LRP1B: variants seen among roughly 807,000 people sequenced by gnomAD.
LRP1B encodes LDL receptor related protein 1B, also known as low-density lipoprotein receptor-related protein 1B.
A neutral mutation model predicts 556.6 loss-of-function variants in LRP1B; 217 were observed. That is an observed-to-expected ratio of 0.39 (90% CI 0.35 to 0.44). The LOEUF (loss-of-function observed/expected upper bound fraction) is 0.44. LRP1B is among the 20% of genes least tolerant of loss of function. The pLI is 1.00. For missense variants in LRP1B, 5,053 were observed against 5,620.8 expected, an observed-to-expected ratio of 0.90 and a Z score of 3.23; for synonymous variants, 2,047 against 1,865.8, an observed-to-expected ratio of 1.10 and a Z score of -2.50.
chr2:141,251,876 A>G (rs993790037), intron 4 of LRP1B, among the ~76,000 whole-genome samples: 1 of 152,096 alleles, frequency 6.6e-6, no homozygotes, highest in African/African-American at 2.4e-5. Flanking sequence ...GGTCAAGGGC[A>G]CTGTAGCAGA....
chr2:140,899,484 A>C (rs1694041541), intron 23 of LRP1B, among the ~76,000 whole-genome samples: 1 of 152,216 alleles, frequency 6.6e-6, no homozygotes, highest in Non-Finnish European at 1.5e-5. Flanking sequence ...GATTTCATTC[A>C]GTTTCAATGT....
intron 2 of LRP1B, among the ~76,000 whole-genome samples, chr2:141,605,338 CA>C (rs145409753): frequency 7.4e-5 from 11 of 149,346 alleles, no homozygotes; most frequent in South Asian, 2.1e-4. Flanking sequence ...TAGCCTTGTA[CA>C]AAAAAAAATG....
intron 2 of LRP1B, among the ~76,000 whole-genome samples, chr2:141,759,142 CTA>C (rs1296276026): frequency 6.6e-6 from 1 of 152,018 alleles, no homozygotes; most frequent in Non-Finnish European, 1.5e-5. Flanking sequence ...ATGAAAGAAT[CTA>C]TAGACTATAG....
chr2:141,353,875 A>G (rs1189558506), intron 3 of LRP1B, among the ~76,000 whole-genome samples: 3 of 151,994 alleles, frequency 2.0e-5, no homozygotes, highest in Non-Finnish European at 4.4e-5. Flanking sequence ...CTAAATCTGA[A>G]TATTAAGAAA....
At chr2:141,044,316 C>T (rs1230025300) in intron 11 of LRP1B, among the ~76,000 whole-genome samples, 3 of 151,540 alleles carry the variant, frequency 2.0e-5, no homozygotes, top group Non-Finnish European at 3.0e-5. Flanking sequence ...CCATAAAAAC[C>T]CTAGAAAAAA....
At chr2:140,893,013 G>C (rs1349753984) in intron 23 of LRP1B, among the ~76,000 whole-genome samples, 1 of 152,088 alleles carries the variant, frequency 6.6e-6, no homozygotes, top group African/African-American at 2.4e-5. Flanking sequence ...GAAAGGAAGA[G>C]GGGTAGGCTT....
chr2:140,922,729 G>C (rs574776438), intron 21 of LRP1B, among the ~76,000 whole-genome samples: 1 of 152,112 alleles, frequency 6.6e-6, no homozygotes, highest in Non-Finnish European at 1.5e-5. Flanking sequence ...CTCTGTGAGC[G>C]TAAGCAAGTT....
chr2:140,922,685 T>TA, intron 21 of LRP1B, among the ~76,000 whole-genome samples: 1 of 151,952 alleles, frequency 6.6e-6, no homozygotes, highest in Non-Finnish European at 1.5e-5. Flanking sequence ...AATTAATTAA[T>TA]TAATTAAATT....
intron 7 of LRP1B, among the ~76,000 whole-genome samples, chr2:141,162,928 T>G (rs1433304348): frequency 6.6e-6 from 1 of 152,110 alleles, no homozygotes; most frequent in Admixed American, 6.6e-5. Flanking sequence ...GCAAACTAAA[T>G]CTTGTTCATC....
At chr2:141,566,330 A>G (rs185888187) in intron 2 of LRP1B, among the ~76,000 whole-genome samples, 1 of 152,306 alleles carries the variant, frequency 6.6e-6, no homozygotes, top group Admixed American at 6.5e-5. Context: ...CTTATAGTAA[A>G]TGAAATTATA....
intron 5 of LRP1B, among the ~76,000 whole-genome samples, chr2:141,237,984 A>G (rs879481750): frequency 6.6e-6 from 1 of 152,206 alleles, no homozygotes; most frequent in Non-Finnish European, 1.5e-5. Flanking sequence ...ACATTGTAAA[A>G]TAATAAGGTA....
At chr2:141,673,379 C>T (rs1236254353) in intron 2 of LRP1B, among the ~76,000 whole-genome samples, 1 of 152,196 alleles carries the variant, frequency 6.6e-6, no homozygotes, top group Non-Finnish European at 1.5e-5. Context: ...GCAATTTTGT[C>T]TCCTACTCTA....
At chr2:140,960,548 T>C (rs1199438956) in intron 18 of LRP1B, among the ~76,000 whole-genome samples, 1 of 151,322 alleles carries the variant, frequency 6.6e-6, no homozygotes, top group Non-Finnish European at 1.5e-5. Flanking sequence ...AATCACTAAA[T>C]AGAAAGAACG....
chr2:141,118,069 T>C (rs1338390914), intron 7 of LRP1B, among the ~76,000 whole-genome samples: 1 of 151,966 alleles, frequency 6.6e-6, no homozygotes, highest in Admixed American at 6.6e-5. Flanking sequence ...ATTAAAACTT[T>C]GTACCAAACA....
intron 31 of LRP1B, among the ~76,000 whole-genome samples, chr2:140,826,880 G>A (rs1315967777): frequency 1.3e-5 from 2 of 151,482 alleles, no homozygotes; most frequent in Admixed American, 6.6e-5. Flanking sequence ...TCAGCCAAGG[G>A]GACACCAAAT....
At chr2:142,078,652 A>G (rs1199081291) in intron 1 of LRP1B, among the ~76,000 whole-genome samples, 1 of 152,216 alleles carries the variant, frequency 6.6e-6, no homozygotes, top group Non-Finnish European at 1.5e-5. Context: ...TAATATTAAC[A>G]AATAGTAGAG....
chr2:142,001,301 C>T (rs775916219), intron 1 of LRP1B, among the ~76,000 whole-genome samples: 1 of 152,154 alleles, frequency 6.6e-6, no homozygotes, highest in South Asian at 2.1e-4. Flanking sequence ...AAACACAGCT[C>T]CATATCTTCA....
At chr2:141,114,884 A>AG (rs1316668660) in intron 7 of LRP1B, among the ~76,000 whole-genome samples, 5 of 151,786 alleles carry the variant, frequency 3.3e-5, no homozygotes. Context: ...AATGCAAAAA[A>AG]AAAAATTTAT....
At chr2:140,445,078 A>G (rs548041687) in intron 63 of LRP1B, among the ~76,000 whole-genome samples, 3 of 152,146 alleles carry the variant, frequency 2.0e-5, no homozygotes, top group South Asian at 4.1e-4. Flanking sequence ...TTGGTGGCCT[A>G]TGGTGTGTAT....
Sources: gnomAD v4.1 joint callset for allele counts (sites outside exome capture counted in the v4.1 genomes callset) on GRCh38, gnomAD v4.1.1 for gene constraint, MANE v1.5 for transcripts, NCBI Gene and HGNC (gene_info 2026-07-23, HGNC 2026-07-21) for gene names.